ABLIM2: variants seen among roughly 807,000 people sequenced by gnomAD.
ABLIM2 encodes actin binding LIM protein family member 2, also known as actin-binding LIM protein 2.
In ABLIM2, 53 loss-of-function variants were observed where a neutral mutation model predicts 97.7. The observed-to-expected ratio is 0.54, with a 90% CI of 0.44 to 0.68. The LOEUF is 0.68. Among genes scored for constraint, ABLIM2 ranks in the 30% least tolerant of loss-of-function variants. The pLI, the probability that ABLIM2 is intolerant of heterozygous loss-of-function variation, is 0.00. For synonymous variants in ABLIM2, 361 were observed against 345.8 expected, an observed-to-expected ratio of 1.04 and a Z score of -0.49; for missense variants, 835 against 867.2, an observed-to-expected ratio of 0.96 and a Z score of 0.47.
At chr4:8,064,317 T>G (rs936989113) in intron 6 of ABLIM2, among the ~76,000 whole-genome samples, 2 of 152,192 alleles carry the variant, frequency 1.3e-5, no homozygotes, top group African/African-American at 4.8e-5. Flanking sequence ...GGGGGGCCCT[T>G]AAGAGGGGAG....
At chr4:7,975,682 T>C (rs553308417) in intron 20 of ABLIM2, among the ~76,000 whole-genome samples, 1 of 152,332 alleles carries the variant, frequency 6.6e-6, no homozygotes, top group Non-Finnish European at 1.5e-5. Flanking sequence ...TTTTTTAACA[T>C]ATATAGCTAA....
At chr4:7,968,693 G>A (rs1320062602) in intron 20 of ABLIM2, among the ~76,000 whole-genome samples, 1 of 152,218 alleles carries the variant, frequency 6.6e-6, no homozygotes, top group African/African-American at 2.4e-5. Flanking sequence ...GGAATGGGGA[G>A]GGACTGTTTA....
At chr4:7,994,768 C>CAA in intron 16 of ABLIM2, among the ~76,000 whole-genome samples, 1 of 112,960 alleles carries the variant, frequency 8.9e-6, no homozygotes, top group East Asian at 2.3e-4. Context: ...CTGTTGTTTC[C>CAA]TGACTTCATG....
At chr4:8,007,882 G>C in intron 16 of ABLIM2, 177 bp downstream of exon 16, 2 of 1,405,912 alleles carry the variant, frequency 1.4e-6, no homozygotes, top group Non-Finnish European at 1.8e-6. Context: ...TTGGGAAGCC[G>C]GCAAACTGCA....
chr4:8,088,386 T>A, intron 3 of ABLIM2, 102 bp from the exon 4 acceptor site: 1 of 877,530 alleles, frequency 1.1e-6, no homozygotes, highest in Non-Finnish European at 1.8e-6. Flanking sequence ...CTCCCCAGGA[T>A]CTTGCAAAGG....
At position 7,996,735 on chromosome 4, in the gene ABLIM2, G is replaced by T. The variant is rs1397751971; in HGVS notation, c.1619-3808C>A. 6.6e-6 allele frequency among the ~76,000 whole-genome samples: 1 copy of T among 152,126 alleles called. No homozygotes were observed. The highest frequency in any genetic ancestry group is 1.5e-5 in the Non-Finnish European group (1 of 68,028). The stretch of plus-strand genomic sequence containing the variant: ...TCTGTTTGGAGAAGATTCCTTACGG[G>T]TAGCTCTGCAGGATATCTCACTGAA... On this transcript the variant is annotated intron_variant, in intron 16 of 20. Coordinates refer to ENST00000447017, the MANE Select transcript of ABLIM2 (RefSeq NM_001130083.2). The surrounding 1 kb of genome is among the most constrained non-coding windows in gnomAD (Gnocchi z 4.5).
chr4:7,988,993 T>A (rs1440513563), intron 17 of ABLIM2, among the ~76,000 whole-genome samples: 3 of 152,056 alleles, frequency 2.0e-5, no homozygotes, highest in Non-Finnish European at 2.9e-5. Flanking sequence ...ATTTTTCATA[T>A]ACCTATTTGA....
chr4:8,073,148 G>T (rs2152352283), intron 6 of ABLIM2, among the ~76,000 whole-genome samples: 1 of 151,476 alleles, frequency 6.6e-6, no homozygotes, highest in South Asian at 2.1e-4. Context: ...GATGGGAGGA[G>T]ACAGGATCAA....
In ABLIM2 at chr4:8,058,430, G is replaced by A. The variant is rs753046353; in HGVS notation, c.763+2537C>T. ...GCCGCATGAGGTCATTCAACAGCCC[G>A]CAGGCACCTGCACGGCAGACGCTCT... On this transcript the variant is annotated intron_variant, in intron 7 of 20. Coordinates refer to ENST00000447017, the MANE Select transcript of ABLIM2 (RefSeq NM_001130083.2). This position sits in a 1 kb window ranked among gnomAD's most constrained non-coding sequence, Gnocchi z 4.2. Among the ~76,000 whole-genome samples, 4 of 152,218 alleles carry A rather than the reference G, an allele frequency of 2.6e-5. No individual in the cohort carries two copies. Among genetic ancestry groups the A allele is most frequent in the Admixed American group, 1.3e-4 (2 of 15,282 alleles).
intron 4 of ABLIM2, among the ~76,000 whole-genome samples, chr4:8,084,045 G>T (rs544066398): frequency 6.6e-6 from 1 of 152,002 alleles, no homozygotes; most frequent in Non-Finnish European, 1.5e-5. Context: ...AGGGGAGTAG[G>T]GGGGAGTCTC....
rs1824668864 is a variant in ABLIM2 at position 8,087,753 on chromosome 4, T to A, written c.454+416A>T. On this transcript the variant is annotated intron_variant, in intron 4 of 20. Transcript: ENST00000447017. This position sits in a 1 kb window ranked among gnomAD's most constrained non-coding sequence, Gnocchi z 4.6. The stretch of plus-strand genomic sequence containing the variant: ...TTAGATGGGAAAGCAGCAGTGGGCA[T>A]TAGATGGGAAAGCAGCAGTGGGCAT... 6.6e-6 allele frequency among the ~76,000 whole-genome samples: 1 copy of A among 151,026 alleles called. No individual in the cohort carries two copies. The highest frequency in any genetic ancestry group is 2.4e-5 in the African/African-American group (1 of 40,970).
At chr4:8,092,591 T>C (rs1829412493) in intron 3 of ABLIM2, among the ~76,000 whole-genome samples, 1 of 152,172 alleles carries the variant, frequency 6.6e-6, no homozygotes, top group African/African-American at 2.4e-5. Context: ...GCATATGAGA[T>C]GTAACTATAA....
In ABLIM2 at chr4:8,133,715, C is replaced by T. The variant is rs929894607; in HGVS notation, c.10+24965G>A. Among the ~76,000 whole-genome samples the T allele has an allele frequency of 9.2e-5, 14 of 152,338 alleles. 1 individual carries two copies. Among genetic ancestry groups the T allele is most frequent in the South Asian group, 6.2e-4 (3 of 4,830 alleles). ...CACCTGGGTCCATGCCCCGGCCCTCCGACAGCATCTCTGCAGGACAATGAG... is the reference window on the plus strand; with the variant it reads ...CACCTGGGTCCATGCCCCGGCCCTCTGACAGCATCTCTGCAGGACAATGAG... On this transcript the variant is annotated intron_variant, in intron 1 of 20. Coordinates refer to ENST00000447017, the MANE Select transcript of ABLIM2 (RefSeq NM_001130083.2).
At chr4:8,108,899 G>T (rs1459586608) in intron 1 of ABLIM2, among the ~76,000 whole-genome samples, 1 of 152,254 alleles carries the variant, frequency 6.6e-6, no homozygotes, top group Non-Finnish European at 1.5e-5. Context: ...CATGAAGCCG[G>T]CCTTGAGACC....
chr4:8,058,211 C>A lies in ABLIM2; in HGVS notation c.763+2756G>T, dbSNP rs183978229. On this transcript the variant is annotated intron_variant, in intron 7 of 20. Transcript: ENST00000447017. The surrounding 1 kb of genome is among the most constrained non-coding windows in gnomAD (Gnocchi z 4.2). The stretch of plus-strand genomic sequence containing the variant: ...GGTGCCCTTTACTGTGGGGGCCAAA[C>A]CCCATGCAGAGCAAGGCCCCTGCCC... Among the ~76,000 whole-genome samples the A allele has an allele frequency of 6.6e-6, 1 of 152,368 alleles. No homozygotes were observed. The highest frequency in any genetic ancestry group is 1.5e-5 in the Non-Finnish European group (1 of 68,022).
At position 8,127,598 on chromosome 4, in the gene ABLIM2, G is replaced by A; in HGVS notation, c.11-20961C>T. 1 of 1,289,650 alleles carries A rather than the reference G, an allele frequency of 7.8e-7. No individual in the cohort carries two copies. The highest frequency in any genetic ancestry group is 1.0e-6 in the Non-Finnish European group (1 of 988,768). The allele number at this position is 1,289,650 out of a possible 1,614,324, so 79.9% of individuals were successfully genotyped here. Reference sequence around the variant, plus strand: ...GAGCGTGGCTGCTTGCAAAGGGCCAGCGGGTCGGCGGCTCTCCCTCTGCGT... The same window carrying A: ...GAGCGTGGCTGCTTGCAAAGGGCCAACGGGTCGGCGGCTCTCCCTCTGCGT... On this transcript the variant is annotated intron_variant, in intron 1 of 20. Transcript: ENST00000447017. This position sits in a 1 kb window ranked among gnomAD's most constrained non-coding sequence, Gnocchi z 7.3.
chr4:7,984,233 C>G (rs527975333), intron 18 of ABLIM2, among the ~76,000 whole-genome samples: 17 of 152,234 alleles, frequency 1.1e-4, no homozygotes, highest in Non-Finnish European at 1.9e-4. Context: ...GACCTGCTGG[C>G]TCTGAGGCCC....
chr4:8,001,994 C>G lies in ABLIM2; in HGVS notation c.1618+6065G>C, dbSNP rs1381167033. Among the ~76,000 whole-genome samples, 21 of 152,194 alleles carry G rather than the reference C, an allele frequency of 1.4e-4. 1 individual carries two copies. Among genetic ancestry groups the G allele is most frequent in the Admixed American group, 1.4e-3 (21 of 15,278 alleles). On this transcript the variant is annotated intron_variant, in intron 16 of 20. Coordinates refer to ENST00000447017, the MANE Select transcript of ABLIM2 (RefSeq NM_001130083.2). The surrounding 1 kb of genome is among the most constrained non-coding windows in gnomAD (Gnocchi z 4.2). ...GCTGAGATGGGGAGATGGGAGGACA[C>G]TGACAAAGAGTAGGCTGGGGGCCAG...
intron 11 of ABLIM2, among the ~76,000 whole-genome samples, chr4:8,028,534 T>G (rs1201361283): frequency 1.3e-5 from 2 of 149,012 alleles, no homozygotes; most frequent in Non-Finnish European, 1.5e-5. Context: ...GACTCATTCA[T>G]TAATTCATTC....
Sources: allele counts gnomAD v4.1 joint callset (sites outside exome capture counted in the v4.1 genomes callset), GRCh38; gene constraint gnomAD v4.1.1; non-coding constraint Gnocchi (gnomAD v3.1); transcripts MANE v1.5; gene names NCBI Gene and HGNC (gene_info 2026-07-23, HGNC 2026-07-21).